The following EGFL7 variants were observed in gnomAD, a reference collection of about 807,000 sequenced individuals.
EGFL7 encodes EGF like domain multiple 7, also known as epidermal growth factor-like protein 7.
In EGFL7, 48 loss-of-function variants were observed where a neutral mutation model predicts 37.1. The ratio of observed to expected loss-of-function variants is 1.29; its 90% CI spans 1.03 to 1.65. EGFL7 has a LOEUF of 1.65. Ranked by LOEUF, EGFL7 falls within the 40% of genes most tolerant of loss-of-function variation. EGFL7 has a pLI of 0.00. For synonymous variants in EGFL7, 180 were observed against 156.8 expected, an observed-to-expected ratio of 1.15 and a Z score of -1.10; for missense variants, 384 against 378.9, an observed-to-expected ratio of 1.01 and a Z score of -0.11.
chr9:136,671,077 A>C, intron 9 of EGFL7, 63 bp downstream of exon 9: 1 of 1,068,046 alleles, frequency 9.4e-7, no homozygotes. Context: ...GGAGGAGGTG[A>C]GGTGTGGAGG....
chr9:136,669,628 C>T lies in EGFL7; in HGVS notation c.220C>T (p.Arg74Cys), dbSNP rs537251168. 30 of 1,611,234 alleles carry T rather than the reference C, an allele frequency of 1.9e-5. No homozygotes were observed. The highest frequency in any genetic ancestry group is 8.8e-5 in the South Asian group (8 of 90,784). The stretch of plus-strand genomic sequence containing the variant: ...CAGAACCATCTATAGGACCGCCTAC[C>T]GCCGCAGCCCTGGGCTGGCCCCTGC... ...TYRTIYRTAY[R>C]RSPGLAPARP... is the part of the protein sequence containing the mutation. Residue 74 changes from arginine to cysteine, a missense_variant, in exon 6 of 11, where the codon CGC (arginine) becomes TGC (cysteine). Physicochemically the swap from Arg to Cys is radical, Grantham distance 180. Transcript: ENST00000308874.
upstream of EGFL7, chr9:136,662,864 A>T (rs1331764999): frequency 6.6e-6 from 1 of 152,206 alleles, no homozygotes; most frequent in South Asian, 2.1e-4. Context: ...GGCCCATCCC[A>T]ATCCCGATTA....
At chr9:136,671,846 TC>T in intron 9 of EGFL7, 79 bp from the exon 10 acceptor site, 3 of 1,420,324 alleles carry the variant, frequency 2.1e-6, no homozygotes, top group Non-Finnish European at 2.8e-6. Context: ...GTGGAGCCCT[TC>T]CCAGGGGTCC....
chr9:136,668,638 C>G lies in EGFL7; in HGVS notation c.162C>G (p.Thr54=). 1 of 1,605,738 alleles carries G rather than the reference C, an allele frequency of 6.2e-7. No individual in the cohort carries two copies. The highest frequency in any genetic ancestry group is 8.5e-7 in the Non-Finnish European group (1 of 1,179,724). Residue 54 remains threonine, a synonymous_variant, in exon 5 of 11, where the codon ACC becomes ACG. Transcript: ENST00000308874. ...AGCGTGTGTACCAGCCCTTCCTCAC[C>G]ACCTGCGACGGGCACCGGGCCTGCA... The part of the protein sequence containing the change: ...FVQRVYQPFL[T]TCDGHRACST...
chr9:136,670,891 C>A, intron 8 of EGFL7, 59 bp from the exon 9 acceptor site: 1 of 1,464,242 alleles, frequency 6.8e-7, no homozygotes, highest in South Asian at 1.2e-5. Context: ...CAGGAGGGAG[C>A]CTGGGGGTGT....
At chr9:136,660,120 G>A (rs536276960), upstream of EGFL7, among the ~76,000 whole-genome samples, 875 of 152,312 alleles carry the variant, frequency 5.7e-3, 10 homozygotes, top group African/African-American at 0.02. Flanking sequence ...GGAGGGGCCC[G>A]CCTGCCCCTT....
At chr9:136,660,402 G>C (rs1845071304), upstream of EGFL7, 1 of 152,400 alleles carries the variant, frequency 6.6e-6, no homozygotes. Flanking sequence ...GGCAAAGCTG[G>C]CACTCTGGGC....
chr9:136,659,675 G>C (rs1030114905), upstream of EGFL7: 1 of 152,412 alleles, frequency 6.6e-6, no homozygotes, highest in African/African-American at 2.4e-5. Context: ...AACATTCCCA[G>C]GTGGCTGGAA....
intron 8 of EGFL7, 33 bp from the exon 9 acceptor site, chr9:136,670,917 C>G: frequency 6.5e-7 from 1 of 1,541,262 alleles, no homozygotes; most frequent in Non-Finnish European, 8.8e-7. Flanking sequence ...GGGAGCCGGC[C>G]GGCCGTGACC....
rs1310138742 is a variant in EGFL7 at position 136,668,592 on chromosome 9, C to T, written c.116C>T (p.Pro39Leu). 3.1e-6 allele frequency: 5 copies of T among 1,608,944 alleles called. No homozygotes were observed. In the South Asian group the frequency reaches 5.5e-5, roughly 18 times the overall value. Residue 39 changes from proline to leucine, a missense_variant, in exon 5 of 11, where the codon CCT becomes CTT. Transcript: ENST00000308874. ...RVCAVRAHGD[P>L]VSESFVQRVY... Reference sequence around the variant, plus strand: ...TGTGCTGTCCGGGCTCACGGGGACCCTGTCTCCGAGTCGTTCGTGCAGCGT... The same window carrying T: ...TGTGCTGTCCGGGCTCACGGGGACCTTGTCTCCGAGTCGTTCGTGCAGCGT...
chr9:136,671,411 C>G (rs1027894460), intron 9 of EGFL7, among the ~76,000 whole-genome samples: 1 of 152,034 alleles, frequency 6.6e-6, no homozygotes, highest in Non-Finnish European at 1.5e-5. Context: ...GGTCCCGACC[C>G]ACGGATGGCT....
Position 136,670,193 on chromosome 9 carries a change from G to C in EGFL7, c.434G>C (p.Arg145Thr), listed in dbSNP as rs781727727. The change falls in exon 8 of 11, where the codon AGG becomes ACG. Residue 145 changes from arginine (R) to threonine (T), a missense_variant. Physicochemically the swap from Arg to Thr is moderately conservative, Grantham distance 71 (BLOSUM62 -1). Coordinates refer to ENST00000308874, the MANE Select transcript of EGFL7 (RefSeq NM_016215.5). ...QSDVDECSAR[R>T]GGCPQRCVNT... ...GATGTGGATGAATGCAGTGCTAGGA[G>C]GGGCGGCTGTCCCCAGCGCTGCGTC... 1 of 1,612,564 alleles carries C rather than the reference G, an allele frequency of 6.2e-7. No homozygotes were observed. The highest frequency in any genetic ancestry group is 8.5e-7 in the Non-Finnish European group (1 of 1,179,872).
chr9:136,664,955 G>A (rs1845368645), intron 3 of EGFL7, among the ~76,000 whole-genome samples, 170 bp downstream of exon 3: 1 of 152,280 alleles, frequency 6.6e-6, no homozygotes, highest in African/African-American at 2.4e-5. Flanking sequence ...TTGTTGTGTG[G>A]CCACGACCTC....
In EGFL7 at chr9:136,669,969, C is replaced by CCG; in HGVS notation, c.371_372dup (p.Cys125AlafsTer73). ...GGAGCTGTGTCCAGCCTGGCCGCTG[C>CCG]CGCTGCCCTGCAGGATGGCGGGGTG... On this transcript the variant is annotated frameshift_variant, in exon 7 of 11. Coordinates refer to ENST00000308874, the MANE Select transcript of EGFL7 (RefSeq NM_016215.5). LOFTEE classifies it high-confidence loss of function. 1 of 1,604,422 alleles carries CCG rather than the reference C, an allele frequency of 6.2e-7. No individual in the cohort carries two copies. Among genetic ancestry groups the CCG allele is most frequent in the Non-Finnish European group, 8.5e-7 (1 of 1,175,270 alleles).
chr9:136,668,184 C>A, intron 3 of EGFL7, 57 bp from the exon 4 acceptor site: 1 of 1,053,566 alleles, frequency 9.5e-7, no homozygotes, highest in Admixed American at 2.4e-5. Context: ...GTGCAAACTG[C>A]ACCCGCGTCC....
intron 8 of EGFL7, 119 bp downstream of exon 8, chr9:136,670,449 C>A (rs1282102764): frequency 8.0e-7 from 1 of 1,253,056 alleles, no homozygotes; most frequent in East Asian, 2.5e-5. Flanking sequence ...GGGACTCCCT[C>A]TCCAGGGAGG....
chr9:136,661,936 G>A (rs968279409), upstream of EGFL7, among the ~76,000 whole-genome samples: 7 of 152,212 alleles, frequency 4.6e-5, no homozygotes, highest in Admixed American at 4.6e-4. Flanking sequence ...GGTTGGGAGA[G>A]GCCCTGCTCT....
rs770915058 is a variant in EGFL7 at position 136,671,024 on chromosome 9, TGGTGG to T, written c.636+13_636+17del. The T allele has an allele frequency of 2.8e-5, 14 of 502,592 alleles. No homozygotes were observed. Among genetic ancestry groups the T allele is most frequent in the African/African-American group, 1.1e-4 (1 of 9,322 alleles). 31.1% of individuals were successfully genotyped at this position (502,592 alleles called of 1,614,324 possible). A position where few individuals can be genotyped will look rare whatever the true frequency, so the allele number is the denominator to read the frequency against. On this transcript the variant is annotated intron_variant, in intron 9 of 10. Transcript: ENST00000308874. ...GGACCTGCTGGAGGAGGTGAGGCAT[TGGTGG>T]GGGGGGGGGGGGGCAGGCAGTCCAG... is the stretch of plus-strand genomic sequence containing the variant.
intron 10 of EGFL7, 45 bp downstream of exon 10, chr9:136,672,133 C>A: frequency 6.4e-7 from 1 of 1,561,792 alleles, no homozygotes. Flanking sequence ...GGTCTGGGCC[C>A]AGTGGGCCTA....
Sources: gnomAD v4.1 joint callset for allele counts (sites outside exome capture counted in the v4.1 genomes callset) on GRCh38, gnomAD v4.1.1 for gene constraint, MANE v1.5 for transcripts, NCBI Gene and HGNC (gene_info 2026-07-23, HGNC 2026-07-21) for gene names.